NPHP4: variants seen among roughly 807,000 people sequenced by gnomAD.
NPHP4 encodes the protein nephrocystin 4, also known as nephrocystin-4.
A neutral mutation model predicts 155.8 loss-of-function variants in NPHP4; 151 were observed. The observed-to-expected ratio is 0.97, with a 90% CI of 0.85 to 1.11. The LOEUF (loss-of-function observed/expected upper bound fraction) is 1.11. NPHP4 is among the 50% of genes least tolerant of loss of function. NPHP4 has a pLI of 0.00. For missense variants in NPHP4, 1,956 were observed against 1,925.7 expected, an observed-to-expected ratio of 1.02 and a Z score of -0.29; for synonymous variants, 845 against 816.8, an observed-to-expected ratio of 1.03 and a Z score of -0.59.
chr1:5,978,205 C>T (rs1654034704), intron 3 of NPHP4, 65 bp downstream of exon 3: 1 of 1,509,276 alleles, frequency 6.6e-7, no homozygotes, highest in South Asian at 1.2e-5. Flanking sequence ...GGGCTGCCAC[C>T]CAGGACCACC....
rs762882392 is a variant in NPHP4, at chr1:5,904,614, C to A, written c.2143+3G>T. 6.9e-6 allele frequency: 11 copies of A among 1,602,636 alleles called. No individual in the cohort carries two copies. The Admixed American group carries it at 1.8e-4, about 27-fold the overall frequency. On this transcript the variant is annotated splice_donor_region_variant and intron_variant, in intron 16 of 29. Coordinates refer to ENST00000378156, the MANE Select transcript of NPHP4 (RefSeq NM_015102.5). ...TGCCTTTGCCATGCACATGAGTACTCACCAGCATCAAAGGTGCCATCTCTG... is the reference window on the plus strand; with the variant it reads ...TGCCTTTGCCATGCACATGAGTACTAACCAGCATCAAAGGTGCCATCTCTG...
At chr1:5,977,429 C>T (rs926688585) in intron 3 of NPHP4, among the ~76,000 whole-genome samples, 10 of 152,076 alleles carry the variant, frequency 6.6e-5, no homozygotes, top group African/African-American at 2.2e-4. Flanking sequence ...AGGCCTCCCT[C>T]GTCACCCACC....
chr1:5,884,508 T>C (rs1346201736), intron 18 of NPHP4, among the ~76,000 whole-genome samples: 1 of 107,444 alleles, frequency 9.3e-6, no homozygotes, highest in Non-Finnish European at 1.9e-5. Context: ...ACAACCAAGA[T>C]CACTGCCCAA....
chr1:5,960,523 G>A (rs185057882), intron 6 of NPHP4, among the ~76,000 whole-genome samples: 1 of 152,020 alleles, frequency 6.6e-6, no homozygotes, highest in East Asian at 1.9e-4. Context: ...CACTGCTCTC[G>A]GTCCCCGCCC....
At chr1:5,974,510 A>T (rs1653168758) in intron 3 of NPHP4, among the ~76,000 whole-genome samples, 1 of 152,180 alleles carries the variant, frequency 6.6e-6, no homozygotes, top group South Asian at 2.1e-4. Flanking sequence ...ATTATTTTTT[A>T]AAAGACACTT....
chr1:5,865,179 G>GCGCC lies in NPHP4; in HGVS notation c.3738_3739insGGCG (p.Arg1247GlyfsTer52). ...GTCCCCCGAAGGACAAGGGACAGGC[G>GCGCC]GGTCAGCTGGCCTGCGACGCAGGAG... On this transcript the variant is annotated frameshift_variant, in exon 27 of 30. Transcript: ENST00000378156. LOFTEE classifies it high-confidence loss of function. 2 of 1,612,948 alleles carry GCGCC rather than the reference G, an allele frequency of 1.2e-6. No homozygotes were observed. Among genetic ancestry groups the GCGCC allele is most frequent in the Non-Finnish European group, 1.7e-6 (2 of 1,179,528 alleles).
rs1189293523 is a variant in NPHP4 at position 5,892,825 on chromosome 1, TAAG to T, written c.2144-1800_2144-1798del. 2.6e-5 allele frequency among the ~76,000 whole-genome samples: 4 copies of T among 152,040 alleles called. No homozygotes were observed. Among genetic ancestry groups the T allele is most frequent in the Non-Finnish European group, 4.4e-5 (3 of 67,994 alleles). The stretch of plus-strand genomic sequence containing the variant: ...CCAGGAAGCTGGCCTCCAACTGAAC[TAAG>T]AAGACTCCCAGGGGCAGTGGCCCTG... On this transcript the variant is annotated intron_variant, in intron 16 of 29. Transcript: ENST00000378156. The surrounding 1 kb of genome is among the most constrained non-coding windows in gnomAD (Gnocchi z 4.5).
chr1:5,894,444 A>G (rs1644294228), intron 16 of NPHP4, among the ~76,000 whole-genome samples: 1 of 148,676 alleles, frequency 6.7e-6, no homozygotes, highest in South Asian at 2.1e-4. Context: ...AGCAAGACCC[A>G]GTCTCAAAAA....
At chr1:5,927,867 G>T in intron 10 of NPHP4, 80 bp from the exon 11 acceptor site, 2 of 1,446,840 alleles carry the variant, frequency 1.4e-6, no homozygotes, top group South Asian at 1.3e-5. Flanking sequence ...GGAACAGCAG[G>T]CTCTGCCCTA....
At chr1:5,948,375 G>A in intron 7 of NPHP4, 124 bp from the exon 8 acceptor site, 2 of 681,780 alleles carry the variant, frequency 2.9e-6, no homozygotes, top group Non-Finnish European at 4.8e-6. Context: ...CTGCAGATCA[G>A]ATGATGCTTA....
intron 11 of NPHP4, among the ~76,000 whole-genome samples, chr1:5,925,136 G>A (rs923316522): frequency 2.6e-5 from 4 of 152,160 alleles, no homozygotes; most frequent in Admixed American, 6.5e-5. Flanking sequence ...AGTACAGAGT[G>A]GATCCATGGG....
intron 22 of NPHP4, chr1:5,873,666 C>G (rs926400462): frequency 2.4e-6 from 1 of 419,034 alleles, no homozygotes. Context: ...CCACCTTAAG[C>G]GATGACCACC....
At chr1:5,874,721 G>A in intron 21 of NPHP4, 64 bp from the exon 22 acceptor site, 1 of 1,558,682 alleles carries the variant, frequency 6.4e-7, no homozygotes, top group East Asian at 2.3e-5. Flanking sequence ...GGAGGCTGCG[G>A]TCCCACCCAC....
chr1:5,881,025 T>C (rs556187030), intron 18 of NPHP4: 1 of 152,366 alleles, frequency 6.6e-6, no homozygotes, highest in East Asian at 1.9e-4. Flanking sequence ...GGGCCTGGGA[T>C]GTCCTCACCA....
intron 9 of NPHP4, among the ~76,000 whole-genome samples, chr1:5,939,198 T>TTATTTTTAAAA (rs1315856454): frequency 1.3e-5 from 2 of 152,244 alleles, no homozygotes; most frequent in East Asian, 3.8e-4. Context: ...AGTGCAGTAA[T>TTATTTTTAAAA]TATTTTTAAA....
intron 7 of NPHP4, among the ~76,000 whole-genome samples, chr1:5,949,343 T>TATACACACACACACACACAC (rs1553187010): frequency 1.4e-5 from 2 of 140,788 alleles, no homozygotes; most frequent in African/African-American, 5.3e-5. Context: ...TTCACATACA[T>TATACACACACACACACACAC]ACACACACAC....
In NPHP4 at chr1:5,880,169, G is replaced by A. The variant is rs775487057; in HGVS notation, c.2556C>T (p.Asn852=). The A allele has an allele frequency of 7.7e-5, 125 of 1,613,532 alleles. No individual in the cohort carries two copies. Among genetic ancestry groups the A allele is most frequent in the African/African-American group, 1.5e-4 (11 of 74,900 alleles). ...CTCCAGAGAAGCGGCTGGCTCCATC[G>A]TTTGAGATGACCCGAGATCTGGACG... ...LPPSRSRVIS[N]DGASRFSGGS... The change falls in exon 19 of 30, where the codon AAC becomes AAT. Residue 852 remains asparagine, a synonymous_variant. Coordinates refer to ENST00000378156, the MANE Select transcript of NPHP4 (RefSeq NM_015102.5).
chr1:5,866,800 T>G (rs539899595), intron 25 of NPHP4, among the ~76,000 whole-genome samples: 1 of 152,302 alleles, frequency 6.6e-6, no homozygotes, highest in South Asian at 2.1e-4. Context: ...CGTGCCTTTT[T>G]AAAATTTAAA....
intron 7 of NPHP4, among the ~76,000 whole-genome samples, chr1:5,949,745 T>C (rs746251637): frequency 2.2e-4 from 34 of 151,926 alleles, no homozygotes; most frequent in Non-Finnish European, 4.0e-4. Context: ...CCAGGACCCA[T>C]GCAGGGACAA....
Sources: allele counts gnomAD v4.1 joint callset (sites outside exome capture counted in the v4.1 genomes callset), GRCh38; gene constraint gnomAD v4.1.1; non-coding constraint Gnocchi (gnomAD v3.1); transcripts MANE v1.5; gene names NCBI Gene and HGNC (gene_info 2026-07-23, HGNC 2026-07-21).